Variants in PLCH2 observed in about 807,000 individuals in gnomAD.
PLCH2 encodes the protein phospholipase C eta 2.
PLCH2 carries 98 observed loss-of-function variants against 134.7 expected under a neutral mutation model. The ratio of observed to expected loss-of-function variants is 0.73; its 90% CI spans 0.62 to 0.86. The LOEUF is 0.86. Ranked by LOEUF, PLCH2 falls within the 40% of genes least tolerant of loss-of-function variation. The pLI is 0.00. For missense variants in PLCH2, 1,994 were observed against 1,986.6 expected, an observed-to-expected ratio of 1.00 and a Z score of -0.07; for synonymous variants, 974 against 827.5, an observed-to-expected ratio of 1.18 and a Z score of -3.04.
At chr1:2,465,120 T>C (rs528675904), upstream of PLCH2, among the ~76,000 whole-genome samples, 12 of 152,262 alleles carry the variant, frequency 7.9e-5, no homozygotes, top group South Asian at 2.5e-3. Context: ...CCTACAGGCC[T>C]AGCTGAGAAC....
At chr1:2,497,450 C>G in intron 15 of PLCH2, 52 bp from the exon 16 acceptor site, 1 of 1,318,668 alleles carries the variant, frequency 7.6e-7, no homozygotes, top group Non-Finnish European at 1.1e-6. Flanking sequence ...GGGCGGGGCA[C>G]ACACCTGGAA....
Position 2,504,751 on chromosome 1 carries a change from T to C in PLCH2, c.3789T>C (p.Asp1263=). ...AGAGCCTGGGCGACCTCACTGCTGA[T>C]GACTTTGCCCCTAGCTTTGAGGGCG... ...KSKSLGDLTA[D]DFAPSFEGGS... Residue 1263 remains aspartate (D), a synonymous_variant, in exon 22 of 22, where the codon GAT becomes GAC. Coordinates refer to ENST00000378486, the MANE Select transcript of PLCH2 (RefSeq NM_014638.4). The C allele has an allele frequency of 1.9e-6, 3 of 1,612,430 alleles. No homozygotes were observed. Among genetic ancestry groups the C allele is most frequent in the Non-Finnish European group, 2.5e-6 (3 of 1,179,766 alleles).
Position 2,485,229 on chromosome 1 carries a change from C to T in PLCH2, c.816+611C>T, listed in dbSNP as rs564532975. Among the ~76,000 whole-genome samples, 744 of 152,376 alleles carry T rather than the reference C, an allele frequency of 4.9e-3. 1 individual carries two copies. The highest frequency in any genetic ancestry group is 6.9e-3 in the Non-Finnish European group (470 of 68,030). On this transcript the variant is annotated intron_variant, in intron 5 of 21. Transcript: ENST00000378486. ...GACCAATGCCAAGGCCAAGTGCTGCCCCACTGACCAAGGACCTCATTTCCA... is the reference window on the plus strand; with the variant it reads ...GACCAATGCCAAGGCCAAGTGCTGCTCCACTGACCAAGGACCTCATTTCCA...
chr1:2,477,555 G>C (rs1641702361), intron 1 of PLCH2, among the ~76,000 whole-genome samples: 1 of 152,182 alleles, frequency 6.6e-6, no homozygotes, highest in Admixed American at 6.5e-5. Flanking sequence ...TCTGTGAGCA[G>C]GTGTGCAGGA....
chr1:2,495,520 C>T lies in PLCH2; in HGVS notation c.1785C>T (p.Ser595=), dbSNP rs537793309. Residue 595 remains serine (S), a synonymous_variant, in exon 13 of 22, where the codon AGC becomes AGT. Coordinates refer to ENST00000378486, the MANE Select transcript of PLCH2 (RefSeq NM_014638.4). ...KKGSKLKKAA[S]VEEGDEGQDS... ...GCAGCAAGCTGAAGAAGGCGGCCAG[C>T]GTGGAGGAGGGAGATGAGGGTCAGG... The T allele has an allele frequency of 4.0e-5, 62 of 1,551,950 alleles. No homozygotes were observed. Among genetic ancestry groups the T allele is most frequent in the East Asian group, 1.5e-4 (6 of 40,986 alleles).
intron 2 of PLCH2, among the ~76,000 whole-genome samples, chr1:2,436,407 C>T (rs115481475): frequency 0.021 from 691 of 33,236 alleles, 32 homozygotes; most frequent in African/African-American, 0.079. Flanking sequence ...TTTCCTCCTT[C>T]CTCCCTCCAC....
At position 2,486,850 on chromosome 1, in the gene PLCH2, G is replaced by A. The variant is rs1642312222; in HGVS notation, c.817-57G>A. The A allele has an allele frequency of 2.5e-5, 35 of 1,384,690 alleles. 1 individual carries two copies. In the South Asian group the frequency reaches 4.2e-4, roughly 17 times the overall value. The allele number at this position is 1,384,690 out of a possible 1,614,324, so 85.8% of individuals were successfully genotyped here. On this transcript the variant is annotated intron_variant, in intron 5 of 21. Transcript: ENST00000378486. Reference sequence around the variant, plus strand: ...GACAGTGGTGATGGGGGAGCTGCCTGAGGCTATCCCAGGCCAGGGATGGGC... The same window carrying A: ...GACAGTGGTGATGGGGGAGCTGCCTAAGGCTATCCCAGGCCAGGGATGGGC...
chr1:2,461,293 G>A (rs572939180), intron 2 of PLCH2, among the ~76,000 whole-genome samples: 2 of 152,208 alleles, frequency 1.3e-5, no homozygotes, highest in Admixed American at 6.5e-5. Flanking sequence ...TCTGCAGCCC[G>A]GGGCTGGACA....
upstream of PLCH2, among the ~76,000 whole-genome samples, chr1:2,421,644 A>G (rs1406262676): frequency 6.6e-6 from 1 of 152,124 alleles, no homozygotes; most frequent in Non-Finnish European, 1.5e-5. Flanking sequence ...CACCACCTTC[A>G]TAAAAAAATA....
chr1:2,490,143 C>G (rs1341141813), intron 10 of PLCH2, among the ~76,000 whole-genome samples: 1 of 152,134 alleles, frequency 6.6e-6, no homozygotes, highest in African/African-American at 2.4e-5. Flanking sequence ...CTCTTGGCCC[C>G]TCAGTAAGTG....
chr1:2,417,694 C>T, the PLCH2 span, among the ~76,000 whole-genome samples: 2 of 152,172 alleles, frequency 1.3e-5, no homozygotes, highest in Non-Finnish European at 2.9e-5. Context: ...CTGGAGGGCA[C>T]CTGGGAGCCA....
chr1:2,489,515 C>T, intron 9 of PLCH2, 137 bp downstream of exon 9: 1 of 903,476 alleles, frequency 1.1e-6, no homozygotes, highest in Non-Finnish European at 1.7e-6. Context: ...ACGCTCCTGA[C>T]CTGGCCTCCA....
chr1:2,433,561 G>A (rs533351238), intron 2 of PLCH2, among the ~76,000 whole-genome samples: 6 of 152,198 alleles, frequency 3.9e-5, no homozygotes, highest in South Asian at 2.1e-4. Context: ...CGGTGTGTCC[G>A]CACAGCAGGA....
chr1:2,474,780 G>A (rs2100633742), upstream of PLCH2, among the ~76,000 whole-genome samples: 1 of 152,260 alleles, frequency 6.6e-6, no homozygotes, highest in Admixed American at 6.5e-5. Context: ...GACCCCCTGG[G>A]TCAGAGTGGA....
In PLCH2 at chr1:2,467,532, G is replaced by A. The variant is rs555242105; in HGVS notation, c.-88G>A. On this transcript the variant is annotated 5_prime_UTR_variant, in exon 1 of 22. Coordinates refer to the PLCH2 transcript ENST00000449969. ...CTCTGCGCGCGGGGTGCCCCTGCTCGGGCTGGGGCTCAGGGGACGCCGGGG... is the reference window on the plus strand; with the variant it reads ...CTCTGCGCGCGGGGTGCCCCTGCTCAGGCTGGGGCTCAGGGGACGCCGGGG... The A allele has an allele frequency of 1.6e-4, 62 of 398,428 alleles. No individual in the cohort carries two copies. In the East Asian group the frequency reaches 2.0e-3, roughly 13 times the overall value. 24.7% of individuals were successfully genotyped at this position (398,428 alleles called of 1,614,324 possible).
At chr1:2,427,223 A>G (rs2100470490) in intron 1 of PLCH2, among the ~76,000 whole-genome samples, 1 of 151,748 alleles carries the variant, frequency 6.6e-6, no homozygotes, top group Non-Finnish European at 1.5e-5. Context: ...GGCGTTGAGG[A>G]GCTGGGCAGT....
chr1:2,476,483 C>A lies in PLCH2; in HGVS notation c.-106C>A. ...GGAGGAAGAGGCAGAGGAGAGAAGG[C>A]CCCACGGAGGTCCTGTCGCCAGCGC... On this transcript the variant is annotated 5_prime_UTR_variant, in exon 1 of 22. Coordinates refer to ENST00000378486, the MANE Select transcript of PLCH2 (RefSeq NM_014638.4). The A allele has an allele frequency of 9.2e-7, 1 of 1,081,714 alleles. No individual in the cohort carries two copies. The highest frequency in any genetic ancestry group is 1.3e-6 in the Non-Finnish European group (1 of 782,890). The allele number at this position is 1,081,714 out of a possible 1,614,324, so 67.0% of individuals were successfully genotyped here. A position where few individuals can be genotyped will look rare whatever the true frequency, so the allele number is the denominator to read the frequency against.
the PLCH2 span, among the ~76,000 whole-genome samples, chr1:2,420,947 C>T: frequency 2.1e-5 from 3 of 145,764 alleles, no homozygotes; most frequent in African/African-American, 7.5e-5. Context: ...CTTAGTATCC[C>T]TTCACACTTT....
chr1:2,443,254 A>G (rs1228442387), intron 2 of PLCH2, among the ~76,000 whole-genome samples: 5 of 152,168 alleles, frequency 3.3e-5, no homozygotes, highest in Admixed American at 3.3e-4. Flanking sequence ...AAGGGTCTGC[A>G]TGTGCCCCTG....
Sources: allele counts gnomAD v4.1 joint callset (sites outside exome capture counted in the v4.1 genomes callset), GRCh38; gene constraint gnomAD v4.1.1; transcripts MANE v1.5; gene names NCBI Gene and HGNC (gene_info 2026-07-23, HGNC 2026-07-21).